The following MSRA variants were observed in gnomAD, a reference collection of about 807,000 sequenced individuals.
The protein encoded by MSRA is mitochondrial peptide methionine sulfoxide reductase.
MSRA carries 54 observed loss-of-function variants against 31.3 expected under a neutral mutation model. That is an observed-to-expected ratio of 1.73 (90% confidence interval 1.39 to 2.17). MSRA has a LOEUF of 2.17. MSRA is among the 30% of genes most tolerant of loss of function. The pLI is 0.00. For synonymous variants in MSRA, 169 were observed against 116.5 expected (o/e 1.45, Z -2.90); for missense variants, 507 against 300.9 (o/e 1.69, Z -5.07).
chr8:10,145,507 T>C (rs911861222), intron 1 of MSRA, among the ~76,000 whole-genome samples: 4 of 152,212 alleles, frequency 2.6e-5, no homozygotes, highest in African/African-American at 9.6e-5. Flanking sequence ...CATTTTCTAC[T>C]GCCCGGCCCT....
chr8:10,093,310 A>C (rs191351441), intron 1 of MSRA, among the ~76,000 whole-genome samples: 2 of 152,014 alleles, frequency 1.3e-5, no homozygotes. Context: ...GTAACATTTT[A>C]ATTTCCTTGC....
At chr8:10,189,890 A>G (rs181613908) in intron 1 of MSRA, among the ~76,000 whole-genome samples, 1 of 152,200 alleles carries the variant, frequency 6.6e-6, no homozygotes, top group Non-Finnish European at 1.5e-5. Flanking sequence ...TTTACATAGG[A>G]TTGATATTAT....
At chr8:10,285,542 T>C (rs1799887419) in intron 3 of MSRA, among the ~76,000 whole-genome samples, 1 of 152,174 alleles carries the variant, frequency 6.6e-6, no homozygotes, top group Admixed American at 6.6e-5. Context: ...ATACAATAAA[T>C]GATTGTTAAT....
intron 3 of MSRA, among the ~76,000 whole-genome samples, chr8:10,262,374 G>A (rs1798529141): frequency 6.6e-6 from 1 of 152,178 alleles, no homozygotes; most frequent in Admixed American, 6.5e-5. Context: ...TTACATCCTT[G>A]CCAGCATTTG....
intron 1 of MSRA, among the ~76,000 whole-genome samples, chr8:10,140,746 CCTTTAAGAGAGAAGTA>C (rs2129030811): frequency 6.6e-6 from 1 of 152,058 alleles, no homozygotes; most frequent in Non-Finnish European, 1.5e-5. Context: ...AAGCTTAACT[CCTTTAAGAGAGAAGTA>C]CGTTCTACTT....
chr8:10,161,864 C>T (rs1350903770), intron 1 of MSRA, among the ~76,000 whole-genome samples: 1 of 152,050 alleles, frequency 6.6e-6, no homozygotes, highest in Non-Finnish European at 1.5e-5. Context: ...CAAGTCACCC[C>T]ATCTCTCCCC....
At chr8:10,106,189 T>G (rs150108735) in intron 1 of MSRA, among the ~76,000 whole-genome samples, 1 of 152,274 alleles carries the variant, frequency 6.6e-6, no homozygotes, top group Non-Finnish European at 1.5e-5. Context: ...AGTCAGACCT[T>G]GAGGTATGGT....
At chr8:10,184,127 G>A (rs116427835) in intron 1 of MSRA, among the ~76,000 whole-genome samples, 363 of 151,888 alleles carry the variant, frequency 2.4e-3, no homozygotes, top group African/African-American at 8.1e-3. Flanking sequence ...GGTGCTGTTA[G>A]TGTTGATAGT....
At chr8:10,417,401 C>G (rs1808525567) in intron 5 of MSRA, among the ~76,000 whole-genome samples, 1 of 137,826 alleles carries the variant, frequency 7.3e-6, no homozygotes, top group African/African-American at 2.7e-5. Context: ...AAGAGAAGCA[C>G]TCATCCCTTC....
rs71203317 is a variant in MSRA at position 10,351,245 on chromosome 8, CTTTTTTTTTTTT to C, written c.543+31273_543+31284del. 9.6e-3 allele frequency among the ~76,000 whole-genome samples: 545 copies of C among 56,834 alleles called. 11 individuals are homozygous for C. The highest frequency in any genetic ancestry group is 0.036 in the African/African-American group (509 of 14,218). 37.3% of individuals were successfully genotyped at this position (56,834 alleles called of 152,430 possible). A position where few individuals can be genotyped will look rare whatever the true frequency, so the allele number is the denominator to read the frequency against. ...ATGGTTGTTTTTGCTCTGAAGGAGA[CTTTTTTTTTTTT>C]TTTTTTTTTTTTTTTTAGACGGAGT... On this transcript the variant is annotated intron_variant, in intron 5 of 5. Coordinates refer to ENST00000317173, the MANE Select transcript of MSRA (RefSeq NM_012331.5).
chr8:10,420,617 A>G (rs1249077949), intron 5 of MSRA, among the ~76,000 whole-genome samples: 1 of 152,084 alleles, frequency 6.6e-6, no homozygotes, highest in Non-Finnish European at 1.5e-5. Flanking sequence ...CTGCAGAGTT[A>G]CTAACCCAGC....
intron 1 of MSRA, among the ~76,000 whole-genome samples, chr8:10,131,217 A>T (rs1457077317): frequency 6.6e-6 from 1 of 152,202 alleles, no homozygotes; most frequent in African/African-American, 2.4e-5. Flanking sequence ...ATGTAGGAGA[A>T]ATGTACACGT....
At chr8:10,302,555 A>G (rs1245439500) in intron 4 of MSRA, among the ~76,000 whole-genome samples, 3 of 152,228 alleles carry the variant, frequency 2.0e-5, no homozygotes, top group Admixed American at 6.5e-5. Context: ...TGGAATCTTC[A>G]TATGCCTGTA....
At chr8:10,200,049 T>G (rs1427391553) in intron 1 of MSRA, among the ~76,000 whole-genome samples, 1 of 152,186 alleles carries the variant, frequency 6.6e-6, no homozygotes, top group Non-Finnish European at 1.5e-5. Flanking sequence ...AAGCTCAGGC[T>G]TGTTCTTCTG....
At chr8:10,251,979 A>G (rs904983530) in intron 3 of MSRA, among the ~76,000 whole-genome samples, 1 of 152,192 alleles carries the variant, frequency 6.6e-6, no homozygotes, top group Non-Finnish European at 1.5e-5. Flanking sequence ...TCAGGCTTTC[A>G]GAAGGGTTCT....
intron 1 of MSRA, among the ~76,000 whole-genome samples, chr8:10,080,916 C>G (rs1231507063): frequency 6.6e-6 from 1 of 152,150 alleles, no homozygotes; most frequent in Non-Finnish European, 1.5e-5. Flanking sequence ...TTACCATGTG[C>G]AAGGTCTTCC....
At chr8:10,075,856 C>A (rs814409) in intron 1 of MSRA, among the ~76,000 whole-genome samples, 1 of 152,152 alleles carries the variant, frequency 6.6e-6, no homozygotes, top group Non-Finnish European at 1.5e-5. Flanking sequence ...CCTCTCTTTT[C>A]CTAATACCAA....
intron 3 of MSRA, among the ~76,000 whole-genome samples, chr8:10,254,513 G>A (rs778822249): frequency 3.3e-5 from 5 of 152,204 alleles, no homozygotes; most frequent in Non-Finnish European, 5.9e-5. Context: ...TATTACAATA[G>A]TAGTTTCTTG....
At chr8:10,134,969 A>G (rs187889134) in intron 1 of MSRA, among the ~76,000 whole-genome samples, 115 of 152,360 alleles carry the variant, frequency 7.5e-4, no homozygotes, top group African/African-American at 2.7e-3. Context: ...AAGGGAACCA[A>G]CGGAGGAATG....
Sources: allele counts gnomAD v4.1 joint callset (sites outside exome capture counted in the v4.1 genomes callset), GRCh38; gene constraint gnomAD v4.1.1; transcripts MANE v1.5; gene names NCBI Gene and HGNC (gene_info 2026-07-23, HGNC 2026-07-21).